The following BICD1 variants were observed in gnomAD, a reference collection of about 807,000 sequenced individuals.
BICD1 encodes the protein BICD cargo adaptor 1, also known as protein bicaudal D homolog 1.
Under a neutral mutation model 92.5 loss-of-function variants are expected in BICD1, and 35 were observed. The observed-to-expected ratio is 0.38, with a 90% CI of 0.29 to 0.50. The LOEUF (loss-of-function observed/expected upper bound fraction) is 0.50, where lower values mean the gene tolerates loss of function less well. BICD1 is among the 20% of genes least tolerant of loss of function. The pLI is 0.93. For missense variants in BICD1, 950 were observed against 1,189.8 expected (o/e 0.80, Z 2.97); for synonymous variants, 429 against 465.1 (o/e 0.92, Z 1.00).
intron 4 of BICD1, among the ~76,000 whole-genome samples, chr12:32,320,396 C>T (rs1043019489): frequency 6.6e-6 from 1 of 152,162 alleles, no homozygotes; most frequent in Non-Finnish European, 1.5e-5. Context: ...AATCCCAACA[C>T]TTTGGGAGGC....
At chr12:32,163,268 A>G (rs796417680) in intron 1 of BICD1, among the ~76,000 whole-genome samples, 26 of 152,186 alleles carry the variant, frequency 1.7e-4, no homozygotes, top group African/African-American at 4.6e-4. Context: ...TAATTTATGC[A>G]GCATTTGAGG....
At chr12:32,281,196 T>C (rs1426286046) in intron 2 of BICD1, among the ~76,000 whole-genome samples, 1 of 152,186 alleles carries the variant, frequency 6.6e-6, no homozygotes, top group Non-Finnish European at 1.5e-5. Flanking sequence ...ATGACAGATC[T>C]TTTTATATTT....
chr12:32,262,459 GAATA>G (rs1344325795), intron 2 of BICD1, among the ~76,000 whole-genome samples: 1 of 152,028 alleles, frequency 6.6e-6, no homozygotes. Flanking sequence ...CAAAAAATAA[GAATA>G]AATAAGGTGA....
At position 32,337,595 on chromosome 12, in the gene BICD1, T is replaced by A; in HGVS notation, c.2349T>A (p.Ala783=). Residue 783 remains alanine, a synonymous_variant, in exon 7 of 10, where the codon GCT becomes GCA. Coordinates refer to ENST00000652176, the MANE Select transcript of BICD1 (RefSeq NM_001714.4). The surrounding 1 kb of genome is among the most constrained non-coding windows in gnomAD (Gnocchi z 4.7). ...CTCTGAACACTTTGTTACGAATGGCTATCCAGCAAAAACTCGCCCTGACCC... is the reference window on the plus strand; with the variant it reads ...CTCTGAACACTTTGTTACGAATGGCAATCCAGCAAAAACTCGCCCTGACCC... ...KKTLNTLLRM[A]IQQKLALTQR... 2 of 1,614,194 alleles carry A rather than the reference T, an allele frequency of 1.2e-6. No individual in the cohort carries two copies. Among genetic ancestry groups the A allele is most frequent in the Middle Eastern group, 1.6e-4 (1 of 6,062 alleles).
At chr12:32,340,468 T>C (rs556621305) in intron 8 of BICD1, 2 of 985,242 alleles carry the variant, frequency 2.0e-6, no homozygotes, top group Non-Finnish European at 2.4e-6. Flanking sequence ...TTCTTTTTAG[T>C]GTTCCAAATG....
At chr12:32,276,996 C>T (rs142136750) in intron 2 of BICD1, among the ~76,000 whole-genome samples, 1 of 152,184 alleles carries the variant, frequency 6.6e-6, no homozygotes, top group Non-Finnish European at 1.5e-5. Context: ...GACGTCCCCC[C>T]CTACTTTTAG....
Position 32,216,258 on chromosome 12 carries a change from G to A in BICD1, c.225G>A (p.Gln75=). 6.2e-7 allele frequency: 1 copy of A among 1,613,626 alleles called. No homozygotes were observed. Among genetic ancestry groups the A allele is most frequent in the Non-Finnish European group, 8.5e-7 (1 of 1,179,960 alleles). Residue 75 remains glutamine (Q), a synonymous_variant, in exon 2 of 10, where the codon CAG becomes CAA. Coordinates refer to ENST00000652176, the MANE Select transcript of BICD1 (RefSeq NM_001714.4). ...CATATACTCTGCAGGCATTTGGGCA[G>A]TCCTTCTCCATCCACCGGAAGGTTG... ...ELEQLKEAFG[Q]SFSIHRKVAE... is the part of the protein sequence containing the mutation.
At chr12:32,353,747 A>G (rs1938987977) in intron 8 of BICD1, 1 of 152,138 alleles carries the variant, frequency 6.6e-6, no homozygotes, top group African/African-American at 2.4e-5. Flanking sequence ...TGATGCATCA[A>G]TTCTGACATT....
intron 1 of BICD1, among the ~76,000 whole-genome samples, chr12:32,196,843 C>G (rs1944740930): frequency 6.6e-6 from 1 of 152,106 alleles, no homozygotes; most frequent in East Asian, 1.9e-4. Context: ...TTGTGGTAGT[C>G]AGTACACACT....
At chr12:32,142,453 C>CCTATCCTATCTATCTATCTAT (rs1942964682) in intron 1 of BICD1, among the ~76,000 whole-genome samples, 1 of 112,882 alleles carries the variant, frequency 8.9e-6, no homozygotes, top group Non-Finnish European at 1.7e-5. Context: ...ACCTATCTAT[C>CCTATCCTATCTATCTATCTAT]CTATCTATCT....
intron 2 of BICD1, among the ~76,000 whole-genome samples, chr12:32,237,096 C>T (rs112155481): frequency 0.13 from 18,964 of 151,590 alleles, 1,955 homozygotes; most frequent in African/African-American, 0.28. Context: ...AGGATGGTCT[C>T]GATCTGATCT....
intron 2 of BICD1, among the ~76,000 whole-genome samples, chr12:32,219,486 G>T (rs893740365): frequency 6.6e-6 from 1 of 152,052 alleles, no homozygotes; most frequent in African/African-American, 2.4e-5. Flanking sequence ...AGATTATATT[G>T]ATATAGAGTA....
intron 1 of BICD1, among the ~76,000 whole-genome samples, chr12:32,204,430 G>A (rs1240671869): frequency 1.3e-5 from 2 of 151,780 alleles, no homozygotes; most frequent in African/African-American, 4.8e-5. Context: ...AAATGCAAAT[G>A]AGAAGCACCA....
chr12:32,358,637 T>C (rs1260453764), intron 8 of BICD1, among the ~76,000 whole-genome samples: 1 of 151,878 alleles, frequency 6.6e-6, no homozygotes. Flanking sequence ...CTTAGGAGGC[T>C]GAGGCAGGAG....
chr12:32,244,071 T>C (rs755154328), intron 2 of BICD1, among the ~76,000 whole-genome samples: 12 of 152,170 alleles, frequency 7.9e-5, no homozygotes, highest in Admixed American at 2.0e-4. Context: ...AGAAGACTCA[T>C]TCTTTATCTG....
intron 1 of BICD1, among the ~76,000 whole-genome samples, chr12:32,142,442 C>CT (rs1942962626): frequency 1.4e-4 from 1 of 7,282 alleles, no homozygotes; most frequent in Non-Finnish European, 2.7e-4. Flanking sequence ...CAAAAAACCC[C>CT]ACCTATCTAT....
chr12:32,171,084 C>T (rs550822343), intron 1 of BICD1, among the ~76,000 whole-genome samples: 9 of 152,136 alleles, frequency 5.9e-5, no homozygotes, highest in Non-Finnish European at 1.2e-4. Context: ...TATGATAGAC[C>T]GTTCTTAGAA....
chr12:32,351,902 C>CT lies in BICD1; in HGVS notation c.2764+12924dup, dbSNP rs1938901408. 3.5e-5 allele frequency among the ~76,000 whole-genome samples: 5 copies of CT among 144,726 alleles called. No homozygotes were observed. In the South Asian group the frequency reaches 1.1e-3, roughly 31 times the overall value. 94.9% of individuals were successfully genotyped at this position (144,726 alleles called of 152,430 possible). ...CCAGCCTGGACTACAGAGCGAGACT[C>CT]TGTCTCGAAAAAAAAAAAAGTTGGC... On this transcript the variant is annotated intron_variant, in intron 8 of 9. Coordinates refer to ENST00000652176, the MANE Select transcript of BICD1 (RefSeq NM_001714.4).
At chr12:32,199,101 G>A (rs899006010) in intron 1 of BICD1, among the ~76,000 whole-genome samples, 6 of 152,102 alleles carry the variant, frequency 3.9e-5, no homozygotes, top group African/African-American at 1.4e-4. Context: ...GCATAAATAC[G>A]AGGCAGAAAA....
Sources: allele counts gnomAD v4.1 joint callset (sites outside exome capture counted in the v4.1 genomes callset), GRCh38; gene constraint gnomAD v4.1.1; non-coding constraint Gnocchi (gnomAD v3.1); transcripts MANE v1.5; gene names NCBI Gene and HGNC (gene_info 2026-07-23, HGNC 2026-07-21).